Variants in LRRTM4 observed in about 807,000 individuals in gnomAD.
LRRTM4 encodes the protein leucine-rich repeat transmembrane neuronal protein 4.
LRRTM4 carries 25 observed loss-of-function variants against 47.6 expected under a neutral mutation model. That is an observed-to-expected ratio of 0.53 (90% confidence interval 0.38 to 0.73). LRRTM4 has a LOEUF of 0.73. Ranked by LOEUF, LRRTM4 falls within the 30% of genes least tolerant of loss-of-function variation. The pLI is 0.00. For missense variants in LRRTM4, 638 were observed against 713.4 expected (o/e 0.89, Z 1.20); for synonymous variants, 311 against 269.5 (o/e 1.15, Z -1.51).
At chr2:76,981,607 C>T (rs1676610736) in intron 3 of LRRTM4, among the ~76,000 whole-genome samples, 1 of 152,012 alleles carries the variant, frequency 6.6e-6, no homozygotes, top group African/African-American at 2.4e-5. Flanking sequence ...GCACCTCCTG[C>T]CTCAATCTCC....
At chr2:77,402,283 A>G (rs1673991028) in intron 3 of LRRTM4, among the ~76,000 whole-genome samples, 1 of 151,882 alleles carries the variant, frequency 6.6e-6, no homozygotes, top group African/African-American at 2.4e-5. Context: ...GGGGCTAGTA[A>G]TACAGGTGTG....
chr2:77,443,800 A>G (rs1198033070), intron 3 of LRRTM4, among the ~76,000 whole-genome samples: 1 of 152,172 alleles, frequency 6.6e-6, no homozygotes, highest in Non-Finnish European at 1.5e-5. Context: ...GAAATTATTG[A>G]TTGATTAGTT....
Position 77,012,704 on chromosome 2 carries a change from ACT to A in LRRTM4, c.1552-263790_1552-263789del, listed in dbSNP as rs909783067. Reference sequence around the variant, plus strand: ...GAAGCATGAATTGAGTGACCCCCAAACTCTGTGATTATGCAGCAATTCAGCAA... The same window carrying A: ...GAAGCATGAATTGAGTGACCCCCAAACTGTGATTATGCAGCAATTCAGCAA... On this transcript the variant is annotated intron_variant, in intron 3 of 3. Coordinates refer to ENST00000409884, the MANE Select transcript of LRRTM4 (RefSeq NM_001134745.3). Among the ~76,000 whole-genome samples the A allele has an allele frequency of 1.4e-4, 21 of 152,156 alleles. No individual in the cohort carries two copies. The East Asian group carries it at 3.1e-3, about 22-fold the overall frequency.
At chr2:76,978,089 C>A (rs1475539228) in intron 3 of LRRTM4, among the ~76,000 whole-genome samples, 1 of 151,984 alleles carries the variant, frequency 6.6e-6, no homozygotes, top group East Asian at 1.9e-4. Context: ...GCTCTGCTCA[C>A]ACAAATTATA....
chr2:76,968,750 C>A (rs1448463565), intron 3 of LRRTM4, among the ~76,000 whole-genome samples: 1 of 151,614 alleles, frequency 6.6e-6, no homozygotes, highest in Non-Finnish European at 1.5e-5. Flanking sequence ...CCGAAACTAC[C>A]CTTCTCTTAG....
At chr2:76,763,284 C>T (rs184701659) in intron 3 of LRRTM4, among the ~76,000 whole-genome samples, 1 of 152,286 alleles carries the variant, frequency 6.6e-6, no homozygotes, top group East Asian at 1.9e-4. Context: ...TTAAAGCCTT[C>T]ATCTCAAATG....
intron 3 of LRRTM4, among the ~76,000 whole-genome samples, chr2:76,846,990 TGAG>T (rs1361982063): frequency 6.6e-6 from 1 of 152,306 alleles, no homozygotes; most frequent in East Asian, 1.9e-4. Context: ...AGAGATCTTC[TGAG>T]GAGAATAATA....
At chr2:77,511,803 T>G (rs1244379857) in intron 3 of LRRTM4, among the ~76,000 whole-genome samples, 7 of 152,110 alleles carry the variant, frequency 4.6e-5, no homozygotes, top group African/African-American at 1.4e-4. Flanking sequence ...TTCCCCAAAC[T>G]TATGTTTACA....
intron 3 of LRRTM4, among the ~76,000 whole-genome samples, chr2:76,906,602 A>G (rs1202118356): frequency 1.3e-5 from 2 of 152,214 alleles, no homozygotes; most frequent in East Asian, 3.8e-4. Context: ...CAGGAAAAGC[A>G]TCTCACATGC....
chr2:76,934,347 A>G (rs1477993154), intron 3 of LRRTM4, among the ~76,000 whole-genome samples: 1 of 152,184 alleles, frequency 6.6e-6, no homozygotes, highest in African/African-American at 2.4e-5. Flanking sequence ...GTTAAAAATG[A>G]TTAAGGTAGT....
chr2:76,823,487 CA>C (rs1452988924), intron 3 of LRRTM4, among the ~76,000 whole-genome samples: 18 of 151,250 alleles, frequency 1.2e-4, no homozygotes, highest in African/African-American at 3.9e-4. Context: ...TTTATTAATG[CA>C]GTAAGGATAA....
intron 3 of LRRTM4, among the ~76,000 whole-genome samples, chr2:76,984,714 A>C (rs1295202580): frequency 2.0e-5 from 3 of 152,020 alleles, no homozygotes; most frequent in African/African-American, 4.8e-5. Context: ...GGAGCCAGTG[A>C]ATTACCACTA....
intron 3 of LRRTM4, among the ~76,000 whole-genome samples, chr2:77,088,891 T>C (rs1054084278): frequency 3.3e-5 from 5 of 152,142 alleles, no homozygotes; most frequent in African/African-American, 1.2e-4. Flanking sequence ...CTCCTTTCAA[T>C]CTTGGCACCA....
intron 3 of LRRTM4, among the ~76,000 whole-genome samples, chr2:77,044,744 A>G (rs776871530): frequency 6.6e-5 from 10 of 151,726 alleles, no homozygotes; most frequent in Non-Finnish European, 1.2e-4. Flanking sequence ...CCACCTATAT[A>G]TAGACAGACA....
chr2:76,769,773 T>G (rs1191899952), intron 3 of LRRTM4, among the ~76,000 whole-genome samples: 2 of 152,188 alleles, frequency 1.3e-5, no homozygotes, highest in Non-Finnish European at 2.9e-5. Context: ...ATCAGTTGTT[T>G]CACGGAAATT....
At chr2:76,837,937 G>A (rs1188980613) in intron 3 of LRRTM4, among the ~76,000 whole-genome samples, 1 of 150,644 alleles carries the variant, frequency 6.6e-6, no homozygotes, top group African/African-American at 2.5e-5. Flanking sequence ...GGACTGTTGT[G>A]GGGTGGGGGT....
chr2:77,263,216 G>A (rs1351395292), intron 3 of LRRTM4, among the ~76,000 whole-genome samples: 1 of 152,048 alleles, frequency 6.6e-6, no homozygotes, highest in East Asian at 1.9e-4. Flanking sequence ...ACCTGGAGAG[G>A]GCAGGGAATT....
chr2:76,914,431 C>T (rs1169213878), intron 3 of LRRTM4, among the ~76,000 whole-genome samples: 2 of 152,066 alleles, frequency 1.3e-5, no homozygotes, highest in East Asian at 3.8e-4. Flanking sequence ...TTGATTTTCA[C>T]TTCCTGATCT....
intron 3 of LRRTM4, among the ~76,000 whole-genome samples, chr2:77,001,970 C>T (rs1677446638): frequency 6.6e-6 from 1 of 152,082 alleles, no homozygotes; most frequent in East Asian, 1.9e-4. Flanking sequence ...CATTTGGAGC[C>T]TTCTCATGCC....
Sources: allele counts gnomAD v4.1 joint callset (sites outside exome capture counted in the v4.1 genomes callset), GRCh38; gene constraint gnomAD v4.1.1; transcripts MANE v1.5; gene names NCBI Gene and HGNC (gene_info 2026-07-23, HGNC 2026-07-21).